Variants in SPMIP11 observed in about 807,000 individuals in gnomAD.
SPMIP11 encodes the protein long intergenic non-protein coding RNA 935.
chr12:48,738,026 T>A, the SPMIP11 span, among the ~76,000 whole-genome samples: 1 of 151,710 alleles, frequency 6.6e-6, no homozygotes, highest in African/African-American at 2.4e-5. Flanking sequence ...AGTCTCCCTA[T>A]GTTGCCCAGG....
chr12:48,733,072 C>CTT, the SPMIP11 span, among the ~76,000 whole-genome samples: 9,240 of 110,816 alleles, frequency 0.083, 861 homozygotes, highest in East Asian at 0.21. Context: ...ACAAGTTAAT[C>CTT]TTTTTTTTTT....
At chr12:48,752,287 T>G in the SPMIP11 span, among the ~76,000 whole-genome samples, 3 of 152,288 alleles carry the variant, frequency 2.0e-5, no homozygotes, top group East Asian at 5.8e-4. Context: ...CAGGATAGGA[T>G]ACCTGGAAAA....
At chr12:48,732,092 C>T in the SPMIP11 span, among the ~76,000 whole-genome samples, 6 of 147,650 alleles carry the variant, frequency 4.1e-5, no homozygotes, top group Admixed American at 1.4e-4. Context: ...GAGGTTGCAA[C>T]GAGCTGAGAT....
At chr12:48,729,551 C>CA in the SPMIP11 span, among the ~76,000 whole-genome samples, 2 of 147,122 alleles carry the variant, frequency 1.4e-5, no homozygotes, top group East Asian at 2.0e-4. Flanking sequence ...AAATAAAATA[C>CA]AAAAAAAAAT....
the SPMIP11 span, among the ~76,000 whole-genome samples, chr12:48,769,432 A>T: frequency 6.6e-6 from 1 of 151,266 alleles, no homozygotes; most frequent in South Asian, 2.1e-4. Context: ...AAAAAAAAAA[A>T]AACCCAAAAA....
chr12:48,748,470 G>A, the SPMIP11 span, among the ~76,000 whole-genome samples: 1 of 148,700 alleles, frequency 6.7e-6, no homozygotes, highest in Non-Finnish European at 1.5e-5. Flanking sequence ...AAAATTCCTG[G>A]AAAGAGAAGT....
At chr12:48,765,806 G>T in the SPMIP11 span, 1 of 629,678 alleles carries the variant, frequency 1.6e-6, no homozygotes, top group Non-Finnish European at 2.9e-6. Flanking sequence ...TTGTGTGCAC[G>T]GGGGGAGCTG....
chr12:48,736,834 C>T, the SPMIP11 span, among the ~76,000 whole-genome samples: 442 of 152,070 alleles, frequency 2.9e-3, 1 homozygote, highest in Non-Finnish European at 4.4e-3. Context: ...GACAGTTTTT[C>T]CAGATAGGGA....
the SPMIP11 span, chr12:48,727,581 G>A: frequency 1.4e-6 from 1 of 702,302 alleles, no homozygotes; most frequent in East Asian, 2.7e-5. Context: ...ATAGGGTAGA[G>A]GGTTAGAAGG....
At chr12:48,741,270 C>G in the SPMIP11 span, among the ~76,000 whole-genome samples, 1 of 151,758 alleles carries the variant, frequency 6.6e-6, no homozygotes, top group African/African-American at 2.4e-5. Flanking sequence ...AGGCTGGTCT[C>G]AAACTCCCAA....
At chr12:48,767,550 G>C in the SPMIP11 span, 1 of 152,838 alleles carries the variant, frequency 6.5e-6, no homozygotes. Context: ...TGCACACACA[G>C]TTACACAAAC....
the SPMIP11 span, among the ~76,000 whole-genome samples, chr12:48,756,771 C>CTTTTTTTTTTTTTTTTTTTTTT: frequency 1.8e-5 from 2 of 108,648 alleles, 1 homozygote; most frequent in African/African-American, 5.7e-5. Context: ...ATTTTTTTTT[C>CTTTTTTTTTTTTTTTTTTTTTT]TTTTTTTCTT....
At chr12:48,736,904 C>A in the SPMIP11 span, among the ~76,000 whole-genome samples, 5 of 151,848 alleles carry the variant, frequency 3.3e-5, no homozygotes, top group African/African-American at 9.7e-5. Flanking sequence ...TGTCCTCTAG[C>A]TTCCAGTTAC....
chr12:48,743,877 A>G, the SPMIP11 span, among the ~76,000 whole-genome samples: 1 of 132,900 alleles, frequency 7.5e-6, no homozygotes, highest in Non-Finnish European at 1.5e-5. Flanking sequence ...GGTTGCAGTG[A>G]GCTGAGACAG....
the SPMIP11 span, among the ~76,000 whole-genome samples, chr12:48,762,823 A>T: frequency 6.6e-6 from 1 of 152,174 alleles, no homozygotes; most frequent in Admixed American, 6.5e-5. Context: ...TATTAATATC[A>T]TGTTGTGGTA....
chr12:48,761,963 G>A, the SPMIP11 span, among the ~76,000 whole-genome samples: 2 of 146,728 alleles, frequency 1.4e-5, no homozygotes. Flanking sequence ...GCCCCACAAA[G>A]TGCTGGAATT....
the SPMIP11 span, among the ~76,000 whole-genome samples, chr12:48,745,434 G>A: frequency 7.9e-5 from 12 of 152,102 alleles, no homozygotes; most frequent in East Asian, 5.8e-4. Context: ...GTGAAACCCC[G>A]TCTCTACTAA....
the SPMIP11 span, among the ~76,000 whole-genome samples, chr12:48,738,539 C>CT: frequency 8.8e-3 from 1,260 of 142,946 alleles, 12 homozygotes; most frequent in African/African-American, 0.027. Context: ...TCTTTTTTTT[C>CT]TTTTTTTTTT....
the SPMIP11 span, chr12:48,771,160 T>C: frequency 6.5e-6 from 4 of 611,088 alleles, 1 homozygote; most frequent in South Asian, 8.0e-5. The surrounding 1 kb of genome is among the most constrained non-coding windows in gnomAD (Gnocchi z 4.3). Flanking sequence ...CAGGCAGGAC[T>C]TGGGCATACA....
Sources: gnomAD v4.1 joint callset for allele counts (sites outside exome capture counted in the v4.1 genomes callset) on GRCh38, gnomAD v4.1.1 for gene constraint, Gnocchi (gnomAD v3.1) non-coding constraint, MANE v1.5 for transcripts, NCBI Gene and HGNC (gene_info 2026-07-23, HGNC 2026-07-21) for gene names.